The following RIMKLB variants were observed in gnomAD, a reference collection of about 807,000 sequenced individuals.
RIMKLB encodes the protein beta-citrylglutamate synthase B.
Under a neutral mutation model 32.0 loss-of-function variants are expected in RIMKLB, and 7 were observed. The ratio of observed to expected loss-of-function variants is 0.22; its 90% CI spans 0.12 to 0.41. The LOEUF (loss-of-function observed/expected upper bound fraction) is 0.41, where lower values mean the gene tolerates loss of function less well. Ranked by LOEUF, RIMKLB falls within the 10% of genes least tolerant of loss-of-function variation. RIMKLB has a pLI of 1.00. For missense variants in RIMKLB, 289 were observed against 498.7 expected (o/e 0.58, Z 4.00); for synonymous variants, 172 against 185.1 (o/e 0.93, Z 0.57).
chr12:8,702,129 G>A (rs11046858), intron 1 of RIMKLB, among the ~76,000 whole-genome samples: 10,847 of 152,054 alleles, frequency 0.071, 1,262 homozygotes, highest in African/African-American at 0.24. Context: ...AATATGTTCT[G>A]TTCCATAACT....
chr12:8,704,311 A>C (rs979049437), intron 1 of RIMKLB, among the ~76,000 whole-genome samples: 20 of 151,926 alleles, frequency 1.3e-4, no homozygotes, highest in South Asian at 2.1e-4. Flanking sequence ...TGAACCCAGG[A>C]GGCGGAGGTT....
the RIMKLB span, among the ~76,000 whole-genome samples, chr12:8,669,353 C>T: frequency 6.6e-6 from 1 of 152,172 alleles, no homozygotes; most frequent in African/African-American, 2.4e-5. Flanking sequence ...GCACCTCCCA[C>T]TAGGCCTACC....
intron 5 of RIMKLB, among the ~76,000 whole-genome samples, chr12:8,759,615 T>C (rs753665349): frequency 4.6e-5 from 7 of 152,194 alleles, no homozygotes; most frequent in Non-Finnish European, 1.0e-4. Flanking sequence ...AGTTTTAAAT[T>C]GGGCAGTTTT....
rs756863312 is a variant in RIMKLB at position 8,750,004 on chromosome 12, T to C, written c.318T>C (p.Pro106=). Residue 106 remains proline, a synonymous_variant, in exon 3 of 6, where the codon CCT becomes CCC. Coordinates refer to ENST00000535829, the MANE Select transcript of RIMKLB (RefSeq NM_001297776.2). The part of the protein sequence containing the change: ...EKMGCRLMNR[P]QAILNCVNKF... ...TGGGATGTCGGTTAATGAACCGACC[T>C]CAAGCCATCCTGAACTGCGTTAATA... is the stretch of plus-strand genomic sequence containing the variant. The C allele has an allele frequency of 6.2e-7, 1 of 1,614,140 alleles. No homozygotes were observed. The highest frequency in any genetic ancestry group is 1.1e-5 in the South Asian group (1 of 91,078).
At chr12:8,732,861 T>C (rs947871982) in intron 2 of RIMKLB, among the ~76,000 whole-genome samples, 2 of 152,044 alleles carry the variant, frequency 1.3e-5, no homozygotes, top group African/African-American at 4.8e-5. Flanking sequence ...ATTTTAGAGG[T>C]TTTTATATGT....
At chr12:8,676,342 A>C in the RIMKLB span, among the ~76,000 whole-genome samples, 3 of 133,180 alleles carry the variant, frequency 2.3e-5, no homozygotes, top group Non-Finnish European at 4.7e-5. Context: ...CCAAAGTACT[A>C]GGATTATAGG....
At chr12:8,703,171 A>G (rs953849961) in intron 1 of RIMKLB, among the ~76,000 whole-genome samples, 2 of 152,170 alleles carry the variant, frequency 1.3e-5, no homozygotes, top group Non-Finnish European at 2.9e-5. Context: ...CTGTAATTTC[A>G]GCTACTCGGG....
At chr12:8,754,487 A>T (rs1316445360) in intron 5 of RIMKLB, among the ~76,000 whole-genome samples, 2 of 152,160 alleles carry the variant, frequency 1.3e-5, no homozygotes, top group Non-Finnish European at 2.9e-5. Flanking sequence ...TGATTTTCTT[A>T]AATATGTATT....
intron 5 of RIMKLB, 82 bp from the exon 6 acceptor site, chr12:8,773,239 A>G: frequency 1.1e-6 from 1 of 930,370 alleles, no homozygotes; most frequent in South Asian, 1.6e-5. Context: ...TTTAGAAGAA[A>G]GGCTTAGCCT....
chr12:8,747,969 T>C (rs1015428545), intron 2 of RIMKLB, among the ~76,000 whole-genome samples: 8 of 152,146 alleles, frequency 5.3e-5, no homozygotes, highest in African/African-American at 1.9e-4. Flanking sequence ...TTGGCCAGGC[T>C]GGTCTCAAAC....
chr12:8,750,959 A>G (rs1948574853), intron 3 of RIMKLB, among the ~76,000 whole-genome samples: 1 of 152,176 alleles, frequency 6.6e-6, no homozygotes, highest in South Asian at 2.1e-4. Flanking sequence ...AGGCTTTACA[A>G]AGGAACCCTT....
intron 2 of RIMKLB, among the ~76,000 whole-genome samples, chr12:8,748,601 T>A: frequency 6.7e-6 from 1 of 148,304 alleles, no homozygotes; most frequent in Middle Eastern, 3.5e-3. Flanking sequence ...ACACAATTTA[T>A]ATATTTTTTA....
At chr12:8,756,216 G>A (rs1408632953) in intron 5 of RIMKLB, among the ~76,000 whole-genome samples, 4 of 151,688 alleles carry the variant, frequency 2.6e-5, no homozygotes, top group Non-Finnish European at 5.9e-5. Context: ...AGCTGCTCAG[G>A]AAGCTAAGGC....
intron 2 of RIMKLB, among the ~76,000 whole-genome samples, chr12:8,741,238 T>C (rs1282987333): frequency 3.4e-5 from 5 of 146,666 alleles, no homozygotes; most frequent in African/African-American, 1.3e-4. Flanking sequence ...ATTAGCTAGG[T>C]GTGGTGGTGT....
At chr12:8,709,298 T>C (rs1049638997) in intron 1 of RIMKLB, among the ~76,000 whole-genome samples, 9 of 152,258 alleles carry the variant, frequency 5.9e-5, no homozygotes, top group African/African-American at 2.2e-4. Context: ...CTGTACTATT[T>C]AGATTTACTG....
chr12:8,780,387 A>G (rs1950961994), downstream of RIMKLB: 1 of 152,188 alleles, frequency 6.6e-6, no homozygotes, highest in South Asian at 2.1e-4. Flanking sequence ...CTTAGCATGA[A>G]CATGGATCAT....
chr12:8,671,126 T>C, the RIMKLB span, among the ~76,000 whole-genome samples: 2 of 152,232 alleles, frequency 1.3e-5, no homozygotes, highest in Admixed American at 1.3e-4. Context: ...GGGGCTGCCA[T>C]GAAGGTCTCT....
rs116958753 is a variant in RIMKLB at position 8,743,563 on chromosome 12, C to T, written c.176-6299C>T. 1.1e-3 allele frequency among the ~76,000 whole-genome samples: 170 copies of T among 150,814 alleles called. 3 individuals are homozygous for T. Among genetic ancestry groups the T allele is most frequent in the Admixed American group, 1.8e-3 (28 of 15,184 alleles). ...TACTATTATTAAGAGTATAGCCAAACTCTGCTTTCAAAAAAACAGAAGTTT... is the reference window on the plus strand; with the variant it reads ...TACTATTATTAAGAGTATAGCCAAATTCTGCTTTCAAAAAAACAGAAGTTT... On this transcript the variant is annotated intron_variant, in intron 2 of 5. Coordinates refer to ENST00000535829, the MANE Select transcript of RIMKLB (RefSeq NM_001297776.2).
Position 8,775,877 on chromosome 12 carries a change from G to A in RIMKLB, c.*2093G>A. ...AGAACTTATCTTGCGCAGGGTAAAT[G>A]GGGGACTCACATACATATATTAATA... On this transcript the variant is annotated 3_prime_UTR_variant, in exon 6 of 6. Transcript: ENST00000535829. 2.0e-6 allele frequency: 2 copies of A among 985,010 alleles called. No individual in the cohort carries two copies. Among genetic ancestry groups the A allele is most frequent in the Non-Finnish European group, 1.2e-6 (1 of 829,618 alleles). The allele number at this position is 985,010 out of a possible 1,614,324, so 61.0% of individuals were successfully genotyped here.
Sources: gnomAD v4.1 joint callset for allele counts (sites outside exome capture counted in the v4.1 genomes callset) on GRCh38, gnomAD v4.1.1 for gene constraint, MANE v1.5 for transcripts, NCBI Gene and HGNC (gene_info 2026-07-23, HGNC 2026-07-21) for gene names.